The following MARCHF3 variants were observed in gnomAD, a reference collection of about 807,000 sequenced individuals.
The protein encoded by MARCHF3 is E3 ubiquitin-protein ligase MARCHF3.
Under a neutral mutation model 24.2 loss-of-function variants are expected in MARCHF3, and 13 were observed. That is an observed-to-expected ratio of 0.54 (90% CI 0.35 to 0.85). The LOEUF (loss-of-function observed/expected upper bound fraction) is 0.85, where lower values mean the gene tolerates loss of function less well. Ranked by LOEUF, MARCHF3 falls within the 40% of genes least tolerant of loss-of-function variation. The pLI is 0.01. For synonymous variants in MARCHF3, 144 were observed against 137.3 expected, an observed-to-expected ratio of 1.05 and a Z score of -0.34; for missense variants, 276 against 325.0, an observed-to-expected ratio of 0.85 and a Z score of 1.16.
Position 126,966,797 on chromosome 5 carries a change from G to A in MARCHF3, c.-56-48570C>T, listed in dbSNP as rs556724795. The stretch of plus-strand genomic sequence containing the variant: ...CAGTGATGATTTCAAAGTTTATTAC[G>A]GCACAGAGGCTGTTTGCTTTTATGC... On this transcript the variant is annotated intron_variant, in intron 1 of 4. Transcript: ENST00000308660. Among the ~76,000 whole-genome samples the A allele has an allele frequency of 9.2e-5, 14 of 151,682 alleles. No individual in the cohort carries two copies. The South Asian group carries it at 1.9e-3, about 20-fold the overall frequency.
intron 3 of MARCHF3, among the ~76,000 whole-genome samples, chr5:126,914,342 A>G (rs1580636027): frequency 6.6e-6 from 1 of 152,214 alleles, no homozygotes; most frequent in East Asian, 1.9e-4. Context: ...TTCCCAAGTG[A>G]GATATTTTCA....
At position 126,958,308 on chromosome 5, in the gene MARCHF3, GTGCTTCCAGT is replaced by G. The variant is rs150998342; in HGVS notation, c.-56-40091_-56-40082del. On this transcript the variant is annotated intron_variant, in intron 1 of 4. Coordinates refer to ENST00000308660, the MANE Select transcript of MARCHF3 (RefSeq NM_178450.5). ...AATAAGGTTACTTGATTTTAATAAG[GTGCTTCCAGT>G]TTACCATTAACCGTCCTCTATATTG... Among the ~76,000 whole-genome samples, 545 of 152,116 alleles carry G rather than the reference GTGCTTCCAGT, an allele frequency of 3.6e-3. 2 individuals carry two copies. Among genetic ancestry groups the G allele is most frequent in the African/African-American group, 0.012 (517 of 41,506 alleles).
chr5:126,935,921 T>C lies in MARCHF3; in HGVS notation c.-56-17694A>G, dbSNP rs572463988. Among the ~76,000 whole-genome samples the C allele has an allele frequency of 1.2e-4, 18 of 152,280 alleles. 1 individual carries two copies. The South Asian group carries it at 3.7e-3, about 32-fold the overall frequency. ...CCACCACACCTGGCCTATATGGCTT[T>C]AATATATGTATATACAGGTGTGTAT... is the stretch of plus-strand genomic sequence containing the variant. On this transcript the variant is annotated intron_variant, in intron 1 of 4. Transcript: ENST00000308660.
At chr5:126,899,281 G>A in intron 3 of MARCHF3, 1 of 985,336 alleles carries the variant, frequency 1.0e-6, no homozygotes, top group Non-Finnish European at 1.2e-6. Flanking sequence ...CAAAAAAAGT[G>A]AGGCAAAGAA....
chr5:126,998,044 A>C (rs55802546), intron 1 of MARCHF3, among the ~76,000 whole-genome samples: 7,848 of 152,262 alleles, frequency 0.052, 376 homozygotes, highest in South Asian at 0.14. Flanking sequence ...TATCACTAAA[A>C]ACTCTCCTGG....
intron 1 of MARCHF3, among the ~76,000 whole-genome samples, chr5:127,020,864 T>C (rs1751486225): frequency 1.3e-5 from 2 of 150,904 alleles, no homozygotes; most frequent in Non-Finnish European, 1.5e-5. Flanking sequence ...AATAAATAAA[T>C]AAATAAAAAT....
At chr5:126,967,303 C>T (rs946018181) in intron 1 of MARCHF3, among the ~76,000 whole-genome samples, 11 of 152,018 alleles carry the variant, frequency 7.2e-5, no homozygotes, top group African/African-American at 1.9e-4. Flanking sequence ...ACACGATATG[C>T]GATTCTTGTA....
At chr5:126,977,796 G>A (rs1751254593) in intron 1 of MARCHF3, among the ~76,000 whole-genome samples, 1 of 152,190 alleles carries the variant, frequency 6.6e-6, no homozygotes, top group South Asian at 2.1e-4. Flanking sequence ...ACACTATTCG[G>A]CCATTCCGAA....
rs890069576 is a variant in MARCHF3 at position 126,869,921 on chromosome 5, A to C, written c.*712T>G. On this transcript the variant is annotated 3_prime_UTR_variant, in exon 5 of 5. Transcript: ENST00000308660. Reference sequence around the variant, plus strand: ...AGCTTCTATCAGCTGTCAGTACCAAACAAGTTGAAAGGAGCGAGCTTCTCA... The same window carrying C: ...AGCTTCTATCAGCTGTCAGTACCAACCAAGTTGAAAGGAGCGAGCTTCTCA... The C allele has an allele frequency of 6.6e-6, 1 of 152,532 alleles. No individual in the cohort carries two copies. The highest frequency in any genetic ancestry group is 2.4e-5 in the African/African-American group (1 of 41,408). The allele number at this position is 152,532 out of a possible 1,614,324, so 9.4% of individuals were successfully genotyped here. A position where few individuals can be genotyped will look rare whatever the true frequency, so the allele number is the denominator to read the frequency against.
At chr5:126,912,391 A>G (rs1754569091) in intron 3 of MARCHF3, among the ~76,000 whole-genome samples, 1 of 152,242 alleles carries the variant, frequency 6.6e-6, no homozygotes, top group Non-Finnish European at 1.5e-5. Flanking sequence ...TGCTTCCTCG[A>G]GCAACAAGAG....
chr5:126,908,359 T>C (rs367652217), intron 3 of MARCHF3, among the ~76,000 whole-genome samples: 9,139 of 152,014 alleles, frequency 0.06, 529 homozygotes, highest in African/African-American at 0.15. Context: ...TGAATCTGAA[T>C]GTTGGCCTGC....
intron 1 of MARCHF3, among the ~76,000 whole-genome samples, chr5:126,974,606 G>A (rs926891428): frequency 1.5e-4 from 23 of 152,166 alleles, no homozygotes; most frequent in African/African-American, 3.9e-4. Context: ...AAATCATTGC[G>A]TTGATCAAAG....
At chr5:126,918,263 G>A in intron 1 of MARCHF3, 36 bp from the exon 2 acceptor site, 2 of 1,357,490 alleles carry the variant, frequency 1.5e-6, no homozygotes, top group Admixed American at 2.9e-5. Context: ...CTTGGGCAGG[G>A]TGGCTAATAG....
chr5:126,916,486 G>C lies in MARCHF3; in HGVS notation c.189-1352C>G, dbSNP rs73783489. On this transcript the variant is annotated intron_variant, in intron 2 of 4. Transcript: ENST00000308660. ...CCTGGGAATGAGTGAAGGCCAAAAG[G>C]AGATCAAAAAAGGAAAGGATCTCCC... Among the ~76,000 whole-genome samples the C allele has an allele frequency of 8.4e-3, 1,273 of 152,038 alleles. 19 individuals carry two copies. The highest frequency in any genetic ancestry group is 0.026 in the East Asian group (133 of 5,182).
chr5:127,012,097 T>C (rs1016525697), intron 1 of MARCHF3, among the ~76,000 whole-genome samples: 31 of 152,346 alleles, frequency 2.0e-4, no homozygotes, highest in African/African-American at 7.5e-4. Flanking sequence ...TCCTGTCTCA[T>C]GTTCTACCAT....
intron 3 of MARCHF3, among the ~76,000 whole-genome samples, chr5:126,884,329 G>A (rs1252420736): frequency 6.6e-6 from 1 of 152,162 alleles, no homozygotes; most frequent in Non-Finnish European, 1.5e-5. Context: ...TGCACAGAAG[G>A]AAATTCTGAC....
chr5:126,922,515 TA>T (rs1554065920), intron 1 of MARCHF3, among the ~76,000 whole-genome samples: 1 of 57,516 alleles, frequency 1.7e-5, no homozygotes, highest in Non-Finnish European at 4.8e-5. Flanking sequence ...TTCTGTCTTT[TA>T]TTTATTTATT....
intron 1 of MARCHF3, among the ~76,000 whole-genome samples, chr5:126,956,679 AAC>A: frequency 6.6e-6 from 1 of 150,690 alleles, no homozygotes; most frequent in African/African-American, 2.4e-5. Flanking sequence ...AAACCAAAAA[AAC>A]AACAACAAAA....
chr5:126,904,249 T>C (rs1468466064), intron 3 of MARCHF3, among the ~76,000 whole-genome samples: 1 of 149,922 alleles, frequency 6.7e-6, no homozygotes, highest in East Asian at 2.0e-4. Flanking sequence ...GTCTTTGCTA[T>C]TGTGAATAAT....
Sources: allele counts gnomAD v4.1 joint callset (sites outside exome capture counted in the v4.1 genomes callset), GRCh38; gene constraint gnomAD v4.1.1; transcripts MANE v1.5; gene names NCBI Gene and HGNC (gene_info 2026-07-23, HGNC 2026-07-21).